GRIA1: variants seen among roughly 807,000 people sequenced by gnomAD.
The protein encoded by GRIA1 is glutamate receptor 1.
In GRIA1, 31 loss-of-function variants were observed where a neutral mutation model predicts 99.2. The observed-to-expected ratio is 0.31, with a 90% CI of 0.23 to 0.42. The LOEUF is 0.42. Among genes scored for constraint, GRIA1 ranks in the 10% least tolerant of loss-of-function variants. The probability of loss-of-function intolerance (pLI) is 1.00; values close to 1 mark genes in which losing one functional copy is unlikely to be tolerated. For synonymous variants in GRIA1, 438 were observed against 432.4 expected (o/e 1.01, Z -0.16); for missense variants, 782 against 1,157.5 (o/e 0.68, Z 4.71).
intron 2 of GRIA1, among the ~76,000 whole-genome samples, chr5:153,564,598 G>C (rs1016529638): frequency 6.6e-6 from 1 of 152,280 alleles, no homozygotes; most frequent in East Asian, 1.9e-4. Flanking sequence ...GCTGTCAGCT[G>C]CAACACTTAC....
intron 1 of GRIA1, among the ~76,000 whole-genome samples, chr5:153,493,281 G>A (rs1196968609): frequency 2.0e-5 from 3 of 152,220 alleles, no homozygotes; most frequent in Non-Finnish European, 2.9e-5. Flanking sequence ...CTGGGATCAT[G>A]TGTGGTGAAA....
At chr5:153,647,812 T>G (rs1270928977) in intron 3 of GRIA1, among the ~76,000 whole-genome samples, 1 of 152,194 alleles carries the variant, frequency 6.6e-6, no homozygotes, top group African/African-American at 2.4e-5. Flanking sequence ...TCTATACTTT[T>G]TCTTCTCTAT....
At chr5:153,542,841 T>C (rs1316778007) in intron 2 of GRIA1, among the ~76,000 whole-genome samples, 1 of 152,186 alleles carries the variant, frequency 6.6e-6, no homozygotes, top group African/African-American at 2.4e-5. Context: ...ATTTATCACA[T>C]TATATTATAA....
In GRIA1 at chr5:153,493,897, A is replaced by G. The variant is rs533717349; in HGVS notation, c.83-31A>G. ...AGGAACTAAAACCTGTCTCTAGCCC[A>G]TATACCATGTTGCATTTTCTTTTCT... On this transcript the variant is annotated intron_variant, in intron 1 of 15. Transcript: ENST00000285900. 8.7e-6 allele frequency: 14 copies of G among 1,612,992 alleles called. No individual in the cohort carries two copies. In the South Asian group the frequency reaches 1.2e-4, roughly 14 times the overall value.
At chr5:153,772,146 T>C (rs969382751) in intron 13 of GRIA1, among the ~76,000 whole-genome samples, 28 of 152,048 alleles carry the variant, frequency 1.8e-4, no homozygotes, top group Non-Finnish European at 1.0e-4. Context: ...GCTGATTCAA[T>C]TGAAAGCAGA....
chr5:153,622,403 A>G (rs1767139032), intron 2 of GRIA1, among the ~76,000 whole-genome samples: 1 of 152,210 alleles, frequency 6.6e-6, no homozygotes, highest in Non-Finnish European at 1.5e-5. Context: ...GTTAGCAAAC[A>G]TGGTGGGTGT....
intron 1 of GRIA1, chr5:153,491,444 C>A: frequency 2.7e-6 from 1 of 370,444 alleles, no homozygotes; most frequent in Non-Finnish European, 3.8e-6. Flanking sequence ...AGAAAAGAGA[C>A]CCTCGAGAAG....
At chr5:153,722,316 C>A (rs960362604) in intron 11 of GRIA1, among the ~76,000 whole-genome samples, 3 of 152,148 alleles carry the variant, frequency 2.0e-5, no homozygotes, top group Non-Finnish European at 2.9e-5. Flanking sequence ...AAATACATAA[C>A]TTTAATGTAG....
chr5:153,667,964 C>T (rs1376488679), intron 5 of GRIA1, among the ~76,000 whole-genome samples: 8 of 152,136 alleles, frequency 5.3e-5, no homozygotes, highest in African/African-American at 1.2e-4. Flanking sequence ...CTTAATTGAG[C>T]GCATTTACTC....
In GRIA1 at chr5:153,498,146, A is replaced by G. The variant is rs186233963; in HGVS notation, c.220+4081A>G. On this transcript the variant is annotated intron_variant, in intron 2 of 15. Transcript: ENST00000285900. ...GTCTTGACTAATATTTTTAAATATT[A>G]AAATATCTGGCAACACTAGGGCCCA... Among the ~76,000 whole-genome samples the G allele has an allele frequency of 2.5e-4, 38 of 152,332 alleles. No individual in the cohort carries two copies. The East Asian group carries it at 7.0e-3, about 28-fold the overall frequency.
At chr5:153,751,476 T>C (rs549381861) in intron 11 of GRIA1, among the ~76,000 whole-genome samples, 56 of 152,370 alleles carry the variant, frequency 3.7e-4, no homozygotes, top group Non-Finnish European at 5.7e-4. Context: ...GTTTTGGCAT[T>C]CAAGTGTTAC....
At chr5:153,492,106 C>T (rs893275559) in intron 1 of GRIA1, 47 of 1,416,156 alleles carry the variant, frequency 3.3e-5, no homozygotes, top group Non-Finnish European at 4.0e-5. Flanking sequence ...GATAGCTCCA[C>T]TAGGGAAAGT....
At chr5:153,604,203 G>C (rs1275859062) in intron 2 of GRIA1, among the ~76,000 whole-genome samples, 1 of 152,076 alleles carries the variant, frequency 6.6e-6, no homozygotes, top group African/African-American at 2.4e-5. Context: ...ACCTGTTTTA[G>C]TCTCTATATA....
intron 2 of GRIA1, among the ~76,000 whole-genome samples, chr5:153,523,502 G>A (rs929863485): frequency 1.7e-5 from 2 of 115,486 alleles, no homozygotes; most frequent in Non-Finnish European, 3.9e-5. Context: ...AACTCAGACT[G>A]CTTTGAACAT....
At chr5:153,603,093 C>A (rs192001585) in intron 2 of GRIA1, among the ~76,000 whole-genome samples, 1 of 145,488 alleles carries the variant, frequency 6.9e-6, no homozygotes, top group Non-Finnish European at 1.6e-5. Context: ...CCACAACAGT[C>A]CCCAGAGTGT....
intron 2 of GRIA1, among the ~76,000 whole-genome samples, chr5:153,556,905 C>A (rs1214892321): frequency 6.6e-6 from 1 of 152,138 alleles, no homozygotes; most frequent in African/African-American, 2.4e-5. Context: ...AATGGTGTAG[C>A]CTACTACACA....
chr5:153,613,120 C>G (rs1269223191), intron 2 of GRIA1, among the ~76,000 whole-genome samples: 1 of 152,014 alleles, frequency 6.6e-6, no homozygotes, highest in African/African-American at 2.4e-5. Context: ...TTTTCCTCCC[C>G]CCAATAAAAA....
intron 14 of GRIA1, among the ~76,000 whole-genome samples, chr5:153,799,206 G>A (rs1183497973): frequency 6.6e-6 from 1 of 152,164 alleles, no homozygotes; most frequent in African/African-American, 2.4e-5. Flanking sequence ...ATCACAGCTG[G>A]GAAGTGTGTA....
chr5:153,679,574 C>T (rs953184312), intron 7 of GRIA1, among the ~76,000 whole-genome samples: 1 of 152,254 alleles, frequency 6.6e-6, no homozygotes, highest in Non-Finnish European at 1.5e-5. Context: ...GCCCAGGGGC[C>T]CTTGCTTATA....
Sources: allele counts gnomAD v4.1 joint callset (sites outside exome capture counted in the v4.1 genomes callset), GRCh38; gene constraint gnomAD v4.1.1; transcripts MANE v1.5; gene names NCBI Gene and HGNC (gene_info 2026-07-23, HGNC 2026-07-21).